Variants in C4orf50 observed in about 807,000 individuals in gnomAD.
The protein encoded by C4orf50 is chromosome 4 open reading frame 50.
In C4orf50, 80 loss-of-function variants were observed where a neutral mutation model predicts 77.2. That is an observed-to-expected ratio of 1.04 (90% CI 0.87 to 1.25). The LOEUF (loss-of-function observed/expected upper bound fraction) is 1.25, where lower values mean the gene tolerates loss of function less well. Ranked by LOEUF, C4orf50 falls within the 50% of genes most tolerant of loss-of-function variation. The pLI, the probability that C4orf50 is intolerant of heterozygous loss-of-function variation, is 0.00. For missense variants in C4orf50, 1,257 were observed against 1,152.9 expected, an observed-to-expected ratio of 1.09 and a Z score of -1.31; for synonymous variants, 532 against 465.3, an observed-to-expected ratio of 1.14 and a Z score of -1.84.
chr4:5,996,138 C>T (rs1420830445), intron 25 of C4orf50, among the ~76,000 whole-genome samples: 1 of 152,256 alleles, frequency 6.6e-6, no homozygotes, highest in Non-Finnish European at 1.5e-5. Context: ...TTTGCGCCAG[C>T]TTCCCCTCAC....
intron 30 of C4orf50, 31 bp from the exon 9 acceptor site, chr4:5,973,872 C>A (rs1024444743): frequency 2.6e-6 from 4 of 1,568,500 alleles, no homozygotes; most frequent in Non-Finnish European, 8.7e-7. Context: ...GGATGCAGAG[C>A]TCCCACCAGG....
At position 6,017,208 on chromosome 4, in the gene C4orf50, G is replaced by T. The variant is rs752546927; in HGVS notation, c.287+937C>A. On this transcript the variant is annotated intron_variant, in intron 23 of 33. Transcript: ENST00000531445. The surrounding 1 kb of genome is among the most constrained non-coding windows in gnomAD (Gnocchi z 4.7). ...TCAAAGATGACAGCAGAGTCCAAAG[G>T]CCAGACAGAGACAGGCAGCCTGGAT... is the stretch of plus-strand genomic sequence containing the variant. Among the ~76,000 whole-genome samples, 1 of 152,200 alleles carries T rather than the reference G, an allele frequency of 6.6e-6. No individual in the cohort carries two copies. Among genetic ancestry groups the T allele is most frequent in the Non-Finnish European group, 1.5e-5 (1 of 68,032 alleles).
intron 25 of C4orf50, among the ~76,000 whole-genome samples, chr4:6,004,324 ATGGTGATGATGGTGATGGTGATGATGAC>A (rs1722112887): frequency 1.1e-5 from 1 of 94,340 alleles, no homozygotes; most frequent in African/African-American, 4.6e-5. Flanking sequence ...TGTGATCGTA[ATGGTGATGATGGTGATGGTGATGATGAC>A]GGTGATGGTG....
At chr4:5,972,818 C>T (rs1377697239) in intron 31 of C4orf50, among the ~76,000 whole-genome samples, 5 of 152,160 alleles carry the variant, frequency 3.3e-5, no homozygotes. Flanking sequence ...CTGGCTTGTC[C>T]CCAGGAACGG....
rs1258146755 is a variant in C4orf50 at position 5,916,270 on chromosome 4, A to C, written c.*2475-18082T>G. On this transcript the variant is annotated intron_variant, in intron 7 of 7. Coordinates refer to the C4orf50 transcript ENST00000324058. This position sits in a 1 kb window ranked among gnomAD's most constrained non-coding sequence, Gnocchi z 4.4. Reference sequence around the variant, plus strand: ...GGGGGGCCCATGCACAGAGAATCATAGTTTCAGAATGAAGAATTCCCATTG... The same window carrying C: ...GGGGGGCCCATGCACAGAGAATCATCGTTTCAGAATGAAGAATTCCCATTG... Among the ~76,000 whole-genome samples the C allele has an allele frequency of 6.6e-6, 1 of 152,190 alleles. No individual in the cohort carries two copies. The highest frequency in any genetic ancestry group is 1.9e-4 in the East Asian group (1 of 5,196).
chr4:5,967,600 T>G, intron 31 of C4orf50, 138 bp from the exon 10 acceptor site: 1 of 715,842 alleles, frequency 1.4e-6, no homozygotes, highest in South Asian at 1.5e-5. Flanking sequence ...CAACCCTGCC[T>G]GTGTGCATGA....
At chr4:5,998,405 A>G (rs950757536) in intron 25 of C4orf50, among the ~76,000 whole-genome samples, 1 of 151,894 alleles carries the variant, frequency 6.6e-6, no homozygotes, top group Non-Finnish European at 1.5e-5. Flanking sequence ...GCTGCTGGAG[A>G]GAGAAACAAA....
chr4:5,988,860 C>T (rs1286586078), exon 28 of C4orf50: 6 of 1,535,978 alleles, frequency 3.9e-6, no homozygotes, highest in Middle Eastern at 1.7e-4. Flanking sequence ...TGACGCCAAG[C>T]TCCGAGATCA....
intron 7 of C4orf50, among the ~76,000 whole-genome samples, chr4:5,928,379 T>TACATAC (rs1553913267): frequency 4.2e-5 from 4 of 95,962 alleles, no homozygotes; most frequent in African/African-American, 1.1e-4. Context: ...CACACACACA[T>TACATAC]ACACACACAC....
intron 25 of C4orf50, among the ~76,000 whole-genome samples, chr4:6,003,949 A>ATGGGATGGTGATGTTGATGATGG (rs1722011439): frequency 5.4e-4 from 1 of 1,866 alleles, no homozygotes; most frequent in African/African-American, 2.5e-3. Context: ...GATGGTGATG[A>ATGGGATGGTGATGTTGATGATGG]TGGTGATGGT....
chr4:5,999,916 G>A (rs1472119986), intron 25 of C4orf50, among the ~76,000 whole-genome samples: 1 of 152,208 alleles, frequency 6.6e-6, no homozygotes, highest in Non-Finnish European at 1.5e-5. Context: ...CAAGGCAGAA[G>A]AGCCTGGCAC....
chr4:6,004,211 GGTGATGGTGATGATGTGATGGTGATGA>G (rs1560598756), intron 25 of C4orf50, among the ~76,000 whole-genome samples: 24 of 69,170 alleles, frequency 3.5e-4, no homozygotes, highest in East Asian at 2.5e-3. Context: ...TGGTGATGAT[GGTGATGGTGATGATGTGATGGTGATGA>G]TGATGGTGAT....
intron 28 of C4orf50, 42 bp from the exon 7 acceptor site, chr4:5,980,380 T>C: frequency 1.3e-6 from 2 of 1,578,714 alleles, no homozygotes; most frequent in East Asian, 4.7e-5. Flanking sequence ...TAGGTTATCC[T>C]TCAAGCAATT....
intron 7 of C4orf50, among the ~76,000 whole-genome samples, chr4:5,929,284 G>C (rs1193025824): frequency 6.6e-6 from 1 of 152,176 alleles, no homozygotes; most frequent in Non-Finnish European, 1.5e-5. Flanking sequence ...ATATTTTTCA[G>C]GCTCTGATGC....
chr4:5,918,104 C>T (rs1717110577), intron 7 of C4orf50, among the ~76,000 whole-genome samples: 1 of 152,180 alleles, frequency 6.6e-6, no homozygotes, highest in Non-Finnish European at 1.5e-5. Flanking sequence ...GGAAGAAGCC[C>T]TCAGAAACAG....
At position 5,905,953 on chromosome 4, in the gene C4orf50, C is replaced by T. The variant is rs1716532425; in HGVS notation, c.*2475-7765G>A. ...GGCAGAGGGACGGATGCCCTGCTTG[C>T]CCTCCTCACGTTACAGAGGGTGACA... On this transcript the variant is annotated intron_variant, in intron 7 of 7. Transcript: ENST00000324058. This position sits in a 1 kb window ranked among gnomAD's most constrained non-coding sequence, Gnocchi z 5.4. 6.6e-6 allele frequency among the ~76,000 whole-genome samples: 1 copy of T among 152,028 alleles called. No individual in the cohort carries two copies. The highest frequency in any genetic ancestry group is 2.4e-5 in the African/African-American group (1 of 41,376).
intron 33 of C4orf50, among the ~76,000 whole-genome samples, chr4:5,964,160 G>C (rs1025567621): frequency 2.0e-5 from 3 of 152,196 alleles, no homozygotes; most frequent in African/African-American, 7.2e-5. Flanking sequence ...ATTTTCCCTC[G>C]AGGTGAAGGC....
chr4:5,951,669 T>A (rs1470503880), intron 7 of C4orf50, among the ~76,000 whole-genome samples: 1 of 152,166 alleles, frequency 6.6e-6, no homozygotes, highest in Non-Finnish European at 1.5e-5. Context: ...TAACAGTCCT[T>A]CCAACAGAAA....
intron 7 of C4orf50, among the ~76,000 whole-genome samples, chr4:5,950,417 G>T (rs1463672611): frequency 1.3e-5 from 2 of 152,164 alleles, no homozygotes; most frequent in Non-Finnish European, 2.9e-5. Flanking sequence ...AAACGAGATT[G>T]TTCTTGAATT....
Sources: gnomAD v4.1 joint callset for allele counts (sites outside exome capture counted in the v4.1 genomes callset) on GRCh38, gnomAD v4.1.1 for gene constraint, Gnocchi (gnomAD v3.1) non-coding constraint, MANE v1.5 for transcripts, NCBI Gene and HGNC (gene_info 2026-07-23, HGNC 2026-07-21) for gene names.